ZNF385B: variants seen among roughly 807,000 people sequenced by gnomAD.
The protein encoded by ZNF385B is zinc finger protein 533.
A neutral mutation model predicts 39.2 loss-of-function variants in ZNF385B; 23 were observed. That is an observed-to-expected ratio of 0.59 (90% CI 0.42 to 0.83). ZNF385B has a LOEUF of 0.83. ZNF385B is among the 40% of genes least tolerant of loss of function. The pLI, the probability that ZNF385B is intolerant of heterozygous loss-of-function variation, is 0.00. For synonymous variants in ZNF385B, 205 were observed against 222.6 expected (o/e 0.92, Z 0.70); for missense variants, 552 against 598.9 (o/e 0.92, Z 0.82).
At chr2:179,527,725 T>C (rs186211168) in intron 4 of ZNF385B, among the ~76,000 whole-genome samples, 287 of 152,296 alleles carry the variant, frequency 1.9e-3, no homozygotes, top group African/African-American at 6.0e-3. Flanking sequence ...TATAAATGTA[T>C]GACTTCCAAT....
At chr2:179,445,827 C>A in intron 7 of ZNF385B, 99 bp from the exon 8 acceptor site, 2 of 1,166,362 alleles carry the variant, frequency 1.7e-6, no homozygotes, top group South Asian at 2.1e-5. Context: ...GCTAAAATTC[C>A]CAATGCTTTT....
chr2:179,546,247 C>G (rs1479029556), intron 3 of ZNF385B, among the ~76,000 whole-genome samples: 3 of 151,838 alleles, frequency 2.0e-5, no homozygotes, highest in African/African-American at 7.3e-5. Context: ...ACATTGCCCA[C>G]GCTGGTCTCG....
At chr2:179,819,546 G>A (rs1707276889) in intron 1 of ZNF385B, among the ~76,000 whole-genome samples, 1 of 152,082 alleles carries the variant, frequency 6.6e-6, no homozygotes, top group South Asian at 2.1e-4. Flanking sequence ...TTCCTTCTTG[G>A]CCAACCTAAT....
intron 3 of ZNF385B, among the ~76,000 whole-genome samples, chr2:179,656,967 T>C (rs1305678021): frequency 6.6e-6 from 1 of 152,180 alleles, no homozygotes; most frequent in Non-Finnish European, 1.5e-5. Flanking sequence ...TTTTTCAGTG[T>C]GTTAAAATGC....
At chr2:179,753,384 T>G (rs1427144573) in intron 3 of ZNF385B, among the ~76,000 whole-genome samples, 1 of 152,228 alleles carries the variant, frequency 6.6e-6, no homozygotes, top group African/African-American at 2.4e-5. Flanking sequence ...TGCCTCCAGC[T>G]TTGCTCTTTT....
chr2:179,673,036 CG>C (rs1183048567), intron 3 of ZNF385B, among the ~76,000 whole-genome samples: 1 of 152,086 alleles, frequency 6.6e-6, no homozygotes, highest in Non-Finnish European at 1.5e-5. Flanking sequence ...CAAAGCGAGA[CG>C]GCAAGAAAAG....
At chr2:179,493,484 T>TGC (rs1481317459) in intron 5 of ZNF385B, among the ~76,000 whole-genome samples, 2 of 51,800 alleles carry the variant, frequency 3.9e-5, no homozygotes, top group African/African-American at 1.1e-4. Flanking sequence ...TGTACACATA[T>TGC]GTATAAACGT....
At chr2:179,488,707 T>C (rs558800471) in intron 5 of ZNF385B, among the ~76,000 whole-genome samples, 68 of 152,304 alleles carry the variant, frequency 4.5e-4, no homozygotes, top group Middle Eastern at 6.8e-3. Context: ...ATCTGTTTTT[T>C]TCCTGAGACC....
At chr2:179,451,124 T>G in intron 6 of ZNF385B, among the ~76,000 whole-genome samples, 3 of 135,402 alleles carry the variant, frequency 2.2e-5, no homozygotes, top group South Asian at 2.8e-4. Flanking sequence ...GGGGGAGGGA[T>G]AGCATTAGGA....
intron 3 of ZNF385B, among the ~76,000 whole-genome samples, chr2:179,581,077 A>G (rs1225087684): frequency 1.3e-5 from 2 of 152,246 alleles, no homozygotes; most frequent in African/African-American, 4.8e-5. Context: ...ACCAAGAAAA[A>G]TGGAAATAGA....
intron 3 of ZNF385B, among the ~76,000 whole-genome samples, chr2:179,640,478 C>G (rs987600022): frequency 6.6e-6 from 1 of 151,786 alleles, no homozygotes. Flanking sequence ...CTATAGAGTT[C>G]GAGAGAGTAA....
intron 4 of ZNF385B, among the ~76,000 whole-genome samples, chr2:179,533,546 G>A (rs182163753): frequency 1.5e-3 from 234 of 152,182 alleles, no homozygotes; most frequent in African/African-American, 5.3e-3. Flanking sequence ...GCCATGCTCG[G>A]AGCACAGGTT....
At chr2:179,533,500 A>C (rs1363124628) in intron 4 of ZNF385B, among the ~76,000 whole-genome samples, 3 of 152,162 alleles carry the variant, frequency 2.0e-5, no homozygotes, top group Non-Finnish European at 4.4e-5. Context: ...AAGACTACTA[A>C]TCTTTTTTGA....
At chr2:179,784,097 A>G (rs1023179055) in intron 1 of ZNF385B, among the ~76,000 whole-genome samples, 1 of 152,198 alleles carries the variant, frequency 6.6e-6, no homozygotes, top group African/African-American at 2.4e-5. Context: ...GACAGATTGG[A>G]TAAAGAAAAC....
intron 3 of ZNF385B, among the ~76,000 whole-genome samples, chr2:179,758,297 A>T (rs192521480): frequency 6.6e-6 from 1 of 152,292 alleles, no homozygotes; most frequent in African/African-American, 2.4e-5. Context: ...AAGAAGTCCA[A>T]GATCAAGGTA....
intron 3 of ZNF385B, among the ~76,000 whole-genome samples, chr2:179,709,561 A>G (rs1699852468): frequency 1.3e-5 from 2 of 152,220 alleles, no homozygotes; most frequent in South Asian, 4.1e-4. Flanking sequence ...GCTAGCCTGC[A>G]TATGTCTTCT....
In ZNF385B at chr2:179,807,926, GAAA is replaced by G. The variant is rs1403715445; in HGVS notation, c.-154-37257_-154-37255del. Among the ~76,000 whole-genome samples the G allele has an allele frequency of 5.1e-4, 76 of 149,560 alleles. 2 individuals are homozygous for G. Among genetic ancestry groups the G allele is most frequent in the East Asian group, 1.8e-3 (9 of 4,994 alleles). On this transcript the variant is annotated intron_variant, in intron 1 of 9. Transcript: ENST00000410066. Reference sequence around the variant, plus strand: ...AGAAAGAAAGAAAGAAAGAAAGAAAGAAAGAAGGAAGGAAGGAAGGAAGGAAAG... The same window carrying G: ...AGAAAGAAAGAAAGAAAGAAAGAAAGGAAGGAAGGAAGGAAGGAAGGAAAG...
intron 3 of ZNF385B, among the ~76,000 whole-genome samples, chr2:179,697,141 T>C (rs1009542482): frequency 1.3e-5 from 2 of 152,174 alleles, no homozygotes; most frequent in African/African-American, 2.4e-5. Flanking sequence ...AAAATAAGCA[T>C]ATGTGCCTTT....
intron 3 of ZNF385B, among the ~76,000 whole-genome samples, chr2:179,750,005 T>C (rs79059016): frequency 0.013 from 2,006 of 152,296 alleles, 16 homozygotes; most frequent in Non-Finnish European, 0.02. Context: ...CAAACTCTTT[T>C]ATGTATCAAT....
Sources: gnomAD v4.1 joint callset for allele counts (sites outside exome capture counted in the v4.1 genomes callset) on GRCh38, gnomAD v4.1.1 for gene constraint, MANE v1.5 for transcripts, NCBI Gene and HGNC (gene_info 2026-07-23, HGNC 2026-07-21) for gene names.